The following VPS13A variants were observed in gnomAD, a reference collection of about 807,000 sequenced individuals.
The protein encoded by VPS13A is intermembrane lipid transfer protein VPS13A.
A neutral mutation model predicts 390.9 loss-of-function variants in VPS13A; 264 were observed. That is an observed-to-expected ratio of 0.68 (90% CI 0.61 to 0.75). The LOEUF is 0.75. VPS13A is among the 30% of genes least tolerant of loss of function. The pLI is 0.00. For synonymous variants in VPS13A, 1,231 were observed against 1,227.1 expected (o/e 1.00, Z -0.07); for missense variants, 3,409 against 3,733.9 (o/e 0.91, Z 2.27).
At chr9:77,303,187 G>GTCCCC (rs774551249) in intron 34 of VPS13A, 125 bp downstream of exon 34, 5 of 983,720 alleles carry the variant, frequency 5.1e-6, no homozygotes, top group Non-Finnish European at 7.8e-6. Context: ...TTGAAATAGT[G>GTCCCC]ATTATATTAA....
At chr9:77,337,113 T>C (rs892563987) in intron 46 of VPS13A, 142 bp from the exon 47 acceptor site, 1 of 932,070 alleles carries the variant, frequency 1.1e-6, no homozygotes, top group Non-Finnish European at 1.6e-6. Context: ...ATCTTACTTA[T>C]ATCGTAAAAA....
chr9:77,199,496 T>C (rs571978298), intron 1 of VPS13A, among the ~76,000 whole-genome samples: 1 of 152,368 alleles, frequency 6.6e-6, no homozygotes, highest in South Asian at 2.1e-4. Context: ...TGTTCTATTA[T>C]TTTTCTCATT....
intron 52 of VPS13A, among the ~76,000 whole-genome samples, chr9:77,347,241 T>C (rs1831205400): frequency 6.6e-6 from 1 of 152,212 alleles, no homozygotes; most frequent in African/African-American, 2.4e-5. Flanking sequence ...GGTATTTTTA[T>C]GGGAATTGCA....
In VPS13A at chr9:77,343,578, A is replaced by G. The variant is rs567374761; in HGVS notation, c.7027-575A>G. Among the ~76,000 whole-genome samples the G allele has an allele frequency of 8.5e-4, 130 of 152,252 alleles. 1 individual carries two copies. The highest frequency in any genetic ancestry group is 1.6e-3 in the Non-Finnish European group (107 of 68,010). On this transcript the variant is annotated intron_variant, in intron 50 of 71. Transcript: ENST00000360280. The stretch of plus-strand genomic sequence containing the variant: ...CAGTCTTCTCTGTAGTACCTTGACT[A>G]TCTCCTATTCTTTTAGTTTGGTTTC...
intron 17 of VPS13A, among the ~76,000 whole-genome samples, chr9:77,234,934 C>G (rs1262217910): frequency 2.6e-5 from 4 of 152,160 alleles, no homozygotes; most frequent in African/African-American, 9.7e-5. Context: ...TATAAAAACT[C>G]TACTCTTATG....
At chr9:77,317,574 T>C in intron 39 of VPS13A, 32 bp from the exon 40 acceptor site, 1 of 1,463,294 alleles carries the variant, frequency 6.8e-7, no homozygotes, top group East Asian at 2.4e-5. Flanking sequence ...TATTTAAACA[T>C]TAATTTAGTG....
chr9:77,187,164 C>CT (rs1335390345), intron 1 of VPS13A, among the ~76,000 whole-genome samples: 1 of 152,132 alleles, frequency 6.6e-6, no homozygotes, highest in African/African-American at 2.4e-5. Context: ...CACCTTTTGG[C>CT]TGTTGTGAAT....
intron 35 of VPS13A, among the ~76,000 whole-genome samples, chr9:77,309,977 A>C (rs2131414504): frequency 6.6e-6 from 1 of 152,298 alleles, no homozygotes. Context: ...GATGAAATAG[A>C]ATCCCTGGAT....
rs1587418551 is a variant in VPS13A, at chr9:77,250,198, T to G, written c.2139T>G (p.Leu713=). ...DRAYDSFDIQ[L]TSVQLLYSRV... ...CTTATGATTCATTTGATATTCAACT[T>G]ACAAGTGTACAGCTGCTTTACAGTA... Residue 713 remains leucine, a synonymous_variant, in exon 21 of 72, where the codon CTT becomes CTG. Coordinates refer to ENST00000360280, the MANE Select transcript of VPS13A (RefSeq NM_033305.3). 2 of 1,613,796 alleles carry G rather than the reference T, an allele frequency of 1.2e-6. No homozygotes were observed. Among genetic ancestry groups the G allele is most frequent in the Non-Finnish European group, 1.7e-6 (2 of 1,179,886 alleles).
At position 77,226,531 on chromosome 9, in the gene VPS13A, G is replaced by A. The variant is rs1238782647; in HGVS notation, c.1290G>A (p.Trp430Ter). Residue 430 changes from tryptophan to a stop codon, truncating the protein, a stop_gained, in exon 15 of 72, where the codon TGG (tryptophan) becomes TGA (stop). Coordinates refer to ENST00000360280, the MANE Select transcript of VPS13A (RefSeq NM_033305.3). LOFTEE classifies it high-confidence loss of function. ...GVKDPEDNKG[W>*]FSWLWSWSEQ... Reference sequence around the variant, plus strand: ...AAGATCCAGAGGATAATAAAGGGTGGTTTAGCTGGCTATGGTCTTGGTCAG... The same window carrying A: ...AAGATCCAGAGGATAATAAAGGGTGATTTAGCTGGCTATGGTCTTGGTCAG... 6.2e-7 allele frequency: 1 copy of A among 1,613,120 alleles called. No individual in the cohort carries two copies. Among genetic ancestry groups the A allele is most frequent in the East Asian group, 2.2e-5 (1 of 44,738 alleles).
intron 67 of VPS13A, among the ~76,000 whole-genome samples, chr9:77,377,194 T>G (rs1204944729): frequency 6.7e-6 from 1 of 149,916 alleles, no homozygotes; most frequent in Non-Finnish European, 1.5e-5. Context: ...CCTAAGTATT[T>G]TTGATGCTGT....
intron 27 of VPS13A, among the ~76,000 whole-genome samples, chr9:77,281,096 TAGAG>T (rs1320001727): frequency 6.6e-6 from 1 of 151,286 alleles, no homozygotes; most frequent in African/African-American, 2.4e-5. Flanking sequence ...CTTATAGAAG[TAGAG>T]AGCACAGTGA....
chr9:77,415,424 A>G (rs924350655), intron 71 of VPS13A, among the ~76,000 whole-genome samples: 1 of 152,208 alleles, frequency 6.6e-6, no homozygotes, highest in Non-Finnish European at 1.5e-5. Context: ...CGTGGCTTTT[A>G]TCTGTCATCC....
At chr9:77,306,707 A>G (rs1338842236) in intron 34 of VPS13A, among the ~76,000 whole-genome samples, 1 of 152,066 alleles carries the variant, frequency 6.6e-6, no homozygotes, top group African/African-American at 2.4e-5. Flanking sequence ...GTGTAATCTG[A>G]TTTACCTAGA....
chr9:77,409,157 G>C (rs949812194), intron 71 of VPS13A, among the ~76,000 whole-genome samples: 2 of 152,208 alleles, frequency 1.3e-5, no homozygotes, highest in Admixed American at 6.5e-5. Flanking sequence ...CTGTTCTGCA[G>C]CCTCCGCTGC....
At chr9:77,259,945 G>A (rs777957278) in intron 22 of VPS13A, 141 bp from the exon 23 acceptor site, 8 of 644,130 alleles carry the variant, frequency 1.2e-5, no homozygotes, top group East Asian at 2.9e-5. Flanking sequence ...TGGTTAATAC[G>A]GTAAGACGGA....
intron 13 of VPS13A, among the ~76,000 whole-genome samples, chr9:77,224,147 A>G (rs999813624): frequency 3.3e-5 from 5 of 152,206 alleles, no homozygotes; most frequent in Admixed American, 6.5e-5. Flanking sequence ...TTTTTTCAAA[A>G]TATTATTGCT....
In VPS13A at chr9:77,420,109, T is replaced by G. The variant is rs1587747573; in HGVS notation, c.*4103T>G. ...AACCCATTCACCCTCCTTAGTCCTT[T>G]GAAGTATACTTTTGAAATTATACCT... On this transcript the variant is annotated 3_prime_UTR_variant, in exon 72 of 72. Coordinates refer to ENST00000360280, the MANE Select transcript of VPS13A (RefSeq NM_033305.3). 6.6e-6 allele frequency: 1 copy of G among 152,208 alleles called. No homozygotes were observed. The highest frequency in any genetic ancestry group is 2.4e-5 in the African/African-American group (1 of 41,458). 9.4% of individuals were successfully genotyped at this position (152,208 alleles called of 1,614,324 possible). A position where few individuals can be genotyped will look rare whatever the true frequency, so the allele number is the denominator to read the frequency against.
chr9:77,317,580 T>C, intron 39 of VPS13A, 26 bp from the exon 40 acceptor site: 1 of 1,500,220 alleles, frequency 6.7e-7, no homozygotes, highest in Non-Finnish European at 9.2e-7. Flanking sequence ...AACATTAATT[T>C]AGTGGTATTG....
Sources: allele counts gnomAD v4.1 joint callset (sites outside exome capture counted in the v4.1 genomes callset), GRCh38; gene constraint gnomAD v4.1.1; transcripts MANE v1.5; gene names NCBI Gene and HGNC (gene_info 2026-07-23, HGNC 2026-07-21).